The following POLN variants were observed in gnomAD, a reference collection of about 807,000 sequenced individuals.
POLN encodes DNA polymerase nu, also known as DNA polymerase N.
Under a neutral mutation model 113.5 loss-of-function variants are expected in POLN, and 108 were observed. That is an observed-to-expected ratio of 0.95 (90% CI 0.81 to 1.12). POLN has a LOEUF of 1.12. Among genes scored for constraint, POLN ranks in the 50% most tolerant of loss-of-function variants. The pLI is 0.00. For missense variants in POLN, 1,097 were observed against 1,077.1 expected (o/e 1.02, Z -0.26); for synonymous variants, 386 against 391.5 (o/e 0.99, Z 0.17).
At chr4:2,180,461 G>C (rs374341043) in intron 7 of POLN, among the ~76,000 whole-genome samples, 1 of 152,048 alleles carries the variant, frequency 6.6e-6, no homozygotes, top group East Asian at 1.9e-4. Context: ...AATATTATAT[G>C]TTCAGGCATC....
chr4:2,199,336 A>G (rs1332184929), intron 5 of POLN, among the ~76,000 whole-genome samples: 4 of 152,180 alleles, frequency 2.6e-5, no homozygotes. Context: ...ACTCAACATA[A>G]TAATGTTTGT....
At chr4:2,239,059 C>A in intron 2 of POLN, 1 of 1,392,484 alleles carries the variant, frequency 7.2e-7, no homozygotes. Context: ...CAAAGAAAAG[C>A]AATTACATTT....
intron 7 of POLN, among the ~76,000 whole-genome samples, chr4:2,192,352 GT>G (rs35897112): frequency 6.6e-6 from 1 of 151,764 alleles, no homozygotes; most frequent in South Asian, 2.1e-4. Context: ...TGTCCATCTA[GT>G]TTTTTTATTT....
chr4:2,085,615 G>C lies in POLN; in HGVS notation c.2195C>G (p.Thr732Arg). 6.2e-7 allele frequency: 1 copy of C among 1,613,930 alleles called. No individual in the cohort carries two copies. The change falls in exon 21 of 26, where the codon ACA (threonine) becomes AGA (arginine). Residue 732 changes from threonine (T) to arginine (R), a missense_variant and splice_region_variant. Physicochemically the swap from Thr to Arg is moderately conservative, Grantham distance 71. Coordinates refer to ENST00000511885, the MANE Select transcript of POLN (RefSeq NM_181808.4). ...AGCTCTGGTTGTGGCCAACTCACCT[G>C]TCTGGTGACACTGGGCAATAGCTGC... is the stretch of plus-strand genomic sequence containing the variant. ...ARAAIAQCHQTGCVVSIMGRR... is the reference protein window; with the variant it reads ...ARAAIAQCHQRGCVVSIMGRR...
At chr4:2,074,782 G>A (rs1730236743) in intron 24 of POLN, among the ~76,000 whole-genome samples, 2 of 152,162 alleles carry the variant, frequency 1.3e-5, no homozygotes, top group Non-Finnish European at 2.9e-5. Context: ...GGAGAACTGG[G>A]GGCACAGGTC....
chr4:2,135,128 G>A (rs551752535), intron 16 of POLN, among the ~76,000 whole-genome samples: 3 of 152,208 alleles, frequency 2.0e-5, no homozygotes, highest in African/African-American at 4.8e-5. Flanking sequence ...GTCACATAAC[G>A]CAGGGTTCAA....
At chr4:2,095,790 A>T in intron 20 of POLN, 61 bp downstream of exon 20, 1 of 1,447,978 alleles carries the variant, frequency 6.9e-7, no homozygotes, top group Non-Finnish European at 9.7e-7. Flanking sequence ...ATTTAAACAC[A>T]GGCACACAGC....
intron 4 of POLN, among the ~76,000 whole-genome samples, chr4:2,212,691 C>T (rs6855461): frequency 0.29 from 43,346 of 151,936 alleles, 10,489 homozygotes; most frequent in African/African-American, 0.65. Context: ...CAGCCTAGGT[C>T]GATCACCTCC....
chr4:2,166,317 T>C (rs188958592), intron 13 of POLN, among the ~76,000 whole-genome samples: 1 of 152,306 alleles, frequency 6.6e-6, no homozygotes, highest in African/African-American at 2.4e-5. Context: ...ATTCCTTGCA[T>C]AGGCACTTCC....
At chr4:2,201,828 A>C (rs1276293604) in intron 5 of POLN, among the ~76,000 whole-genome samples, 3 of 152,154 alleles carry the variant, frequency 2.0e-5, no homozygotes, top group Non-Finnish European at 4.4e-5. Flanking sequence ...ATAAAGGAAA[A>C]CCTATCAGAT....
chr4:2,078,812 G>A (rs943334527), intron 23 of POLN: 30 of 985,352 alleles, frequency 3.0e-5, no homozygotes, highest in Middle Eastern at 1.0e-3. Context: ...GAGTAACTGC[G>A]TTCCTGAGTA....
At position 2,108,601 on chromosome 4, in the gene POLN, C is replaced by T. The variant is rs117968234; in HGVS notation, c.1983-12668G>A. Reference sequence around the variant, plus strand: ...CGATTACAGGTCCAAATTAAACACGCATTGCATCACATGTATTGACGCCCA... The same window carrying T: ...CGATTACAGGTCCAAATTAAACACGTATTGCATCACATGTATTGACGCCCA... On this transcript the variant is annotated intron_variant, in intron 19 of 25. Coordinates refer to ENST00000511885, the MANE Select transcript of POLN (RefSeq NM_181808.4). Among the ~76,000 whole-genome samples the T allele has an allele frequency of 2.2e-4, 33 of 152,292 alleles. No individual in the cohort carries two copies. The East Asian group carries it at 6.0e-3, about 28-fold the overall frequency.
At chr4:2,223,516 CA>C (rs1734313856) in intron 3 of POLN, among the ~76,000 whole-genome samples, 2 of 152,196 alleles carry the variant, frequency 1.3e-5, no homozygotes, top group South Asian at 4.1e-4. Context: ...ACCCGACCCC[CA>C]TCCCGTGGAA....
In POLN at chr4:2,126,591, A is replaced by G. The variant is rs7439769; in HGVS notation, c.1982+1522T>C. On this transcript the variant is annotated intron_variant, in intron 19 of 25. Transcript: ENST00000511885. This position sits in a 1 kb window ranked among gnomAD's most constrained non-coding sequence, Gnocchi z 4.6. ...CCAGAGAGGAGCGGAGACCAGAGAG[A>G]AGCGGAGACCAGAGAGGAGTGGAGA... is the stretch of plus-strand genomic sequence containing the variant. 2.0e-5 allele frequency among the ~76,000 whole-genome samples: 3 copies of G among 151,710 alleles called. No homozygotes were observed. Among genetic ancestry groups the G allele is most frequent in the African/African-American group, 4.9e-5 (2 of 41,220 alleles).
chr4:2,235,237 A>T (rs999458582), intron 2 of POLN, among the ~76,000 whole-genome samples: 1 of 152,256 alleles, frequency 6.6e-6, no homozygotes, highest in African/African-American at 2.4e-5. Flanking sequence ...TAAATCCACC[A>T]TCGCAGTGGA....
intron 8 of POLN, among the ~76,000 whole-genome samples, chr4:2,176,560 A>G (rs879921452): frequency 1.3e-5 from 2 of 152,204 alleles, no homozygotes; most frequent in Non-Finnish European, 2.9e-5. Context: ...ATAGCTGGAC[A>G]CTTCCTCCCA....
intron 3 of POLN, chr4:2,228,241 T>C (rs1364772203): frequency 1.0e-5 from 1 of 99,460 alleles, no homozygotes; most frequent in Non-Finnish European, 2.0e-5. Context: ...GCTTTGCTAG[T>C]AGCAAAAAAA....
intron 19 of POLN, among the ~76,000 whole-genome samples, chr4:2,108,062 C>G (rs927554132): frequency 6.6e-6 from 1 of 152,180 alleles, no homozygotes; most frequent in Non-Finnish European, 1.5e-5. Flanking sequence ...CTCCTGACTC[C>G]TAAACACTCA....
chr4:2,175,944 T>C (rs1432537938), intron 9 of POLN, among the ~76,000 whole-genome samples: 2 of 152,236 alleles, frequency 1.3e-5, no homozygotes, highest in Admixed American at 6.5e-5. Context: ...AGGAAGACTC[T>C]GGTTGAGTGA....
Sources: allele counts gnomAD v4.1 joint callset (sites outside exome capture counted in the v4.1 genomes callset), GRCh38; gene constraint gnomAD v4.1.1; non-coding constraint Gnocchi (gnomAD v3.1); transcripts MANE v1.5; gene names NCBI Gene and HGNC (gene_info 2026-07-23, HGNC 2026-07-21).